STRIP1: variants seen among roughly 807,000 people sequenced by gnomAD.
The protein encoded by STRIP1 is striatin-interacting protein 1.
A neutral mutation model predicts 106.2 loss-of-function variants in STRIP1; 63 were observed. The observed-to-expected ratio is 0.59, with a 90% CI of 0.48 to 0.73. STRIP1 has a LOEUF of 0.73. Among genes scored for constraint, STRIP1 ranks in the 30% least tolerant of loss-of-function variants. The pLI is 0.00. For missense variants in STRIP1, 857 were observed against 1,074.8 expected, an observed-to-expected ratio of 0.80 and a Z score of 2.83; for synonymous variants, 390 against 413.0, an observed-to-expected ratio of 0.94 and a Z score of 0.67.
intron 10 of STRIP1, among the ~76,000 whole-genome samples, chr1:110,044,203 A>T (rs1469621513): frequency 6.6e-6 from 1 of 152,274 alleles, no homozygotes; most frequent in Admixed American, 6.5e-5. Flanking sequence ...TTTAACAAAA[A>T]TGATAGATTA....
At chr1:110,032,577 G>T (rs1256208404), upstream of STRIP1, among the ~76,000 whole-genome samples, 4 of 152,108 alleles carry the variant, frequency 2.6e-5, no homozygotes, top group Non-Finnish European at 4.4e-5. Context: ...CTGAAGTCTT[G>T]ATCTTTCCTC....
chr1:110,035,684 T>C (rs949181471), intron 1 of STRIP1, among the ~76,000 whole-genome samples: 36 of 152,156 alleles, frequency 2.4e-4, no homozygotes, highest in Admixed American at 2.3e-3. Flanking sequence ...GAGCACTTAC[T>C]ATGCCATCTC....
intron 20 of STRIP1, among the ~76,000 whole-genome samples, chr1:110,052,750 A>G (rs531087906): frequency 3.6e-4 from 54 of 152,014 alleles, no homozygotes; most frequent in African/African-American, 1.2e-3. Context: ...GATTACAGGC[A>G]TGATCCACTG....
At position 110,051,853 on chromosome 1, in the gene STRIP1, G is replaced by A; in HGVS notation, c.2232G>A (p.Arg744=). ...KTMSAIYQKV[R]HRLNDDWAYG... ...TGTCTGCCATCTACCAGAAGGTGCG[G>A]CATCGGCTGAACGACGACTGGGCAT... is the stretch of plus-strand genomic sequence containing the variant. Residue 744 remains arginine, a synonymous_variant, in exon 20 of 21, where the codon CGG becomes CGA. Coordinates refer to ENST00000369795, the MANE Select transcript of STRIP1 (RefSeq NM_033088.4). 1.9e-6 allele frequency: 3 copies of A among 1,612,988 alleles called. No homozygotes were observed. Among genetic ancestry groups the A allele is most frequent in the Non-Finnish European group, 2.5e-6 (3 of 1,179,964 alleles).
intron 16 of STRIP1, 98 bp downstream of exon 16, chr1:110,049,336 TTGAACTCTGCA>T: frequency 1.3e-6 from 2 of 1,584,102 alleles, no homozygotes; most frequent in Non-Finnish European, 1.7e-6. Context: ...TTTGACCCAC[TTGAACTCTGCA>T]TGAATGTTCT....
intron 5 of STRIP1, among the ~76,000 whole-genome samples, chr1:110,040,153 T>TTTTTTGTTTTTGTTTTTGTGTTTTTTTTG (rs1652686196): frequency 6.6e-6 from 1 of 151,902 alleles, no homozygotes; most frequent in Non-Finnish European, 1.5e-5. Flanking sequence ...CATGGCTGGG[T>TTTTTTGTTTTTGTTTTTGTGTTTTTTTTG]TTTTTGTTTT....
chr1:110,035,232 A>G (rs574572572), intron 1 of STRIP1, among the ~76,000 whole-genome samples: 3 of 152,290 alleles, frequency 2.0e-5, no homozygotes, highest in South Asian at 4.1e-4. Flanking sequence ...CGCGGGCTCC[A>G]GCTCCTGGGT....
At chr1:110,038,813 G>C in intron 3 of STRIP1, 56 bp downstream of exon 3, 1 of 1,537,740 alleles carries the variant, frequency 6.5e-7, no homozygotes, top group Non-Finnish European at 9.0e-7. Flanking sequence ...GAGAGCTGCA[G>C]GTTTCTTTTA....
intron 20 of STRIP1, among the ~76,000 whole-genome samples, chr1:110,052,613 C>T (rs920906068): frequency 5.3e-5 from 8 of 152,024 alleles, no homozygotes; most frequent in Admixed American, 2.6e-4. Flanking sequence ...GGGACTACAG[C>T]TGCACGCCAC....
chr1:110,043,855 A>G lies in STRIP1; in HGVS notation c.1285A>G (p.Arg429Gly), dbSNP rs1652893543. 6.2e-7 allele frequency: 1 copy of G among 1,613,374 alleles called. No individual in the cohort carries two copies. The highest frequency in any genetic ancestry group is 1.7e-5 in the Admixed American group (1 of 60,010). The change falls in exon 10 of 21, where the codon AGA becomes GGA. Residue 429 changes from arginine to glycine, a missense_variant and splice_region_variant. Coordinates refer to ENST00000369795, the MANE Select transcript of STRIP1 (RefSeq NM_033088.4). ...AGGGCTCCCGTGGGCTCCCAAGGTCAGGTGAGTCTCAGACCTCCAGAGCAC... is the reference window on the plus strand; with the variant it reads ...AGGGCTCCCGTGGGCTCCCAAGGTCGGGTGAGTCTCAGACCTCCAGAGCAC... ...PKGLPWAPKV[R>G]EKDIEMFLES...
chr1:110,038,011 C>G (rs1472321397), intron 2 of STRIP1, 51 bp downstream of exon 2: 1 of 1,172,368 alleles, frequency 8.5e-7, no homozygotes, highest in Non-Finnish European at 1.2e-6. Flanking sequence ...CCTTATTGGT[C>G]TTTAATAAAA....
chr1:110,033,815 T>A (rs1001539943), upstream of STRIP1, among the ~76,000 whole-genome samples: 3 of 152,274 alleles, frequency 2.0e-5, no homozygotes, highest in African/African-American at 7.2e-5. Context: ...CTTAGCACCC[T>A]GTCCTGCTTT....
intron 10 of STRIP1, 48 bp downstream of exon 10, chr1:110,043,904 TCA>T: frequency 6.5e-7 from 1 of 1,547,758 alleles, no homozygotes; most frequent in Non-Finnish European, 8.9e-7. Flanking sequence ...GGCAGAGCCC[TCA>T]CACCCTCAGG....
chr1:110,035,580 TA>T (rs1265058478), intron 1 of STRIP1, among the ~76,000 whole-genome samples: 1 of 152,154 alleles, frequency 6.6e-6, no homozygotes, highest in Non-Finnish European at 1.5e-5. Flanking sequence ...CACCCCAAGT[TA>T]AGGAATTCCT....
At chr1:110,039,089 C>A in intron 3 of STRIP1, 83 bp from the exon 4 acceptor site, 1 of 1,519,580 alleles carries the variant, frequency 6.6e-7, no homozygotes, top group South Asian at 1.2e-5. Context: ...CTATGGCAGT[C>A]CTGAATTTGG....
chr1:110,044,401 A>T (rs954291372), intron 10 of STRIP1, among the ~76,000 whole-genome samples: 2 of 152,252 alleles, frequency 1.3e-5, no homozygotes, highest in Non-Finnish European at 2.9e-5. Flanking sequence ...GTTTTCAGTG[A>T]TCTGTGAAGG....
chr1:110,046,966 C>T (rs1490243537), intron 13 of STRIP1, among the ~76,000 whole-genome samples: 3 of 152,060 alleles, frequency 2.0e-5, no homozygotes, highest in Admixed American at 6.5e-5. Context: ...AGAAGAATGA[C>T]GTGAACCCGG....
At chr1:110,052,537 T>A (rs1253389837) in intron 20 of STRIP1, among the ~76,000 whole-genome samples, 2 of 152,278 alleles carry the variant, frequency 1.3e-5, no homozygotes, top group East Asian at 3.9e-4. Flanking sequence ...TGGCACAGTC[T>A]CAGCTCACTG....
Position 110,047,542 on chromosome 1 carries a change from G to A in STRIP1, c.1489G>A (p.Gly497Arg). 1.2e-6 allele frequency: 2 copies of A among 1,610,638 alleles called. No homozygotes were observed. The highest frequency in any genetic ancestry group is 1.7e-6 in the Non-Finnish European group (2 of 1,178,302). ...EEYLRSPLSGGEEEVEQVPAE... is the reference protein window; with the variant it reads ...EEYLRSPLSGREEEVEQVPAE... ...ATGCTTGTACTCATTATGTTAAAAG[G>A]GAGAAGAAGAAGTTGAGCAAGTCCC... is the stretch of plus-strand genomic sequence containing the variant. The change falls in exon 14 of 21, where the codon GGA becomes AGA. Residue 497 changes from glycine to arginine, a missense_variant and splice_region_variant. By Grantham distance (125) the Gly-to-Arg change is moderately radical (BLOSUM62 -2). Around this residue, in one of 2 missense-constraint regions of STRIP1, gnomAD observed 750 missense variants for 989.8 expected, o/e 0.76. Coordinates refer to ENST00000369795, the MANE Select transcript of STRIP1 (RefSeq NM_033088.4).
Sources: gnomAD v4.1 joint callset for allele counts (sites outside exome capture counted in the v4.1 genomes callset) on GRCh38, gnomAD v4.1.1 for gene constraint, gnomAD v4.1.1 regional missense constraint, MANE v1.5 for transcripts, NCBI Gene and HGNC (gene_info 2026-07-23, HGNC 2026-07-21) for gene names.